Variants in GLIS3 observed in about 807,000 individuals in gnomAD.
The protein encoded by GLIS3 is zinc finger protein GLIS3.
Under a neutral mutation model 78.6 loss-of-function variants are expected in GLIS3, and 53 were observed. The observed-to-expected ratio is 0.67, with a 90% CI of 0.54 to 0.85. The LOEUF (loss-of-function observed/expected upper bound fraction) is 0.85. GLIS3 is among the 40% of genes least tolerant of loss of function. The pLI is 0.00. For missense variants in GLIS3, 1,703 were observed against 1,231.1 expected, an observed-to-expected ratio of 1.38 and a Z score of -5.74; for synonymous variants, 684 against 509.9, an observed-to-expected ratio of 1.34 and a Z score of -4.60.
the GLIS3 span, among the ~76,000 whole-genome samples, chr9:4,418,842 G>C: frequency 6.6e-6 from 1 of 152,202 alleles, no homozygotes; most frequent in Non-Finnish European, 1.5e-5. Flanking sequence ...GAAGAGAAAA[G>C]TATTGTATGT....
At chr9:4,403,563 A>AG in the GLIS3 span, among the ~76,000 whole-genome samples, 1 of 152,212 alleles carries the variant, frequency 6.6e-6, no homozygotes, top group Admixed American at 6.5e-5. Flanking sequence ...GTCAAAAAGC[A>AG]GGGGAACAAA....
At chr9:4,122,905 T>C (rs1358797094) in intron 3 of GLIS3, among the ~76,000 whole-genome samples, 2 of 152,228 alleles carry the variant, frequency 1.3e-5, no homozygotes, top group Non-Finnish European at 2.9e-5. Flanking sequence ...GAATGACTCC[T>C]GGATCTTCAA....
intron 9 of GLIS3, 197 bp downstream of exon 9, chr9:3,855,811 CA>C (rs1819743631): frequency 1.6e-6 from 1 of 636,834 alleles, no homozygotes; most frequent in Admixed American, 2.3e-5. Context: ...TGTCATAAAT[CA>C]TACCATCATC....
chr9:4,218,371 C>G (rs553469725), intron 2 of GLIS3, among the ~76,000 whole-genome samples: 1 of 152,122 alleles, frequency 6.6e-6, no homozygotes, highest in African/African-American at 2.4e-5. Context: ...CTCTGCCTCC[C>G]GGGTTCACGC....
At chr9:4,235,142 T>A (rs11794626) in intron 2 of GLIS3, among the ~76,000 whole-genome samples, 18,464 of 151,390 alleles carry the variant, frequency 0.12, 1,267 homozygotes, top group African/African-American at 0.19. Context: ...ACTAAAAATT[T>A]AAAAAAAATC....
At chr9:4,378,812 G>C in the GLIS3 span, among the ~76,000 whole-genome samples, 2 of 152,142 alleles carry the variant, frequency 1.3e-5, no homozygotes, top group African/African-American at 4.8e-5. Context: ...GAATGAGCTT[G>C]TATGGCAGAA....
intron 2 of GLIS3, among the ~76,000 whole-genome samples, chr9:4,226,732 C>T (rs188904854): frequency 6.6e-6 from 1 of 152,318 alleles, no homozygotes; most frequent in African/African-American, 2.4e-5. Flanking sequence ...TCTCCTGAAT[C>T]TTGGTTTCCT....
the GLIS3 span, among the ~76,000 whole-genome samples, chr9:4,354,052 G>A: frequency 6.7e-6 from 1 of 149,152 alleles, no homozygotes; most frequent in Non-Finnish European, 1.5e-5. Flanking sequence ...TAGCCAGGAT[G>A]GTCTCTATCT....
chr9:4,425,100 T>C, the GLIS3 span, among the ~76,000 whole-genome samples: 1 of 152,114 alleles, frequency 6.6e-6, no homozygotes, highest in South Asian at 2.1e-4. Context: ...GCCCCCGAAG[T>C]TTAGAAGAAA....
chr9:4,387,773 G>A, the GLIS3 span, among the ~76,000 whole-genome samples: 1 of 152,166 alleles, frequency 6.6e-6, no homozygotes, highest in African/African-American at 2.4e-5. Flanking sequence ...ATTGCCAGCA[G>A]CTGTACAGGT....
intron 2 of GLIS3, among the ~76,000 whole-genome samples, chr9:4,162,588 G>A (rs149431464): frequency 1.1e-4 from 16 of 152,178 alleles, no homozygotes; most frequent in East Asian, 9.7e-4. Context: ...GGCCGGGTGC[G>A]GTGGCTCACG....
chr9:4,208,571 G>A (rs1198786616), intron 2 of GLIS3, among the ~76,000 whole-genome samples: 6 of 152,216 alleles, frequency 3.9e-5, no homozygotes, highest in African/African-American at 1.2e-4. Context: ...CTGAAGGCCC[G>A]TTTGGGAGAG....
intron 2 of GLIS3, among the ~76,000 whole-genome samples, chr9:4,166,144 C>G (rs937021394): frequency 6.6e-6 from 1 of 152,206 alleles, no homozygotes; most frequent in Non-Finnish European, 1.5e-5. Context: ...TGGCACATCA[C>G]ATAATTGTTC....
At chr9:3,915,933 G>T (rs527692270) in intron 6 of GLIS3, among the ~76,000 whole-genome samples, 1 of 152,162 alleles carries the variant, frequency 6.6e-6, no homozygotes, top group Admixed American at 6.5e-5. Context: ...AAGAACTAGG[G>T]AAGACAAGTC....
intron 2 of GLIS3, among the ~76,000 whole-genome samples, chr9:4,150,250 C>A (rs147240647): frequency 6.6e-6 from 1 of 152,184 alleles, no homozygotes; most frequent in Non-Finnish European, 1.5e-5. Flanking sequence ...GCCTCAGTAG[C>A]CCAAACTTTG....
At chr9:3,975,019 C>T (rs1380270465) in intron 4 of GLIS3, 1 of 152,072 alleles carries the variant, frequency 6.6e-6, no homozygotes, top group Non-Finnish European at 1.5e-5. Flanking sequence ...GAGAAGCCTC[C>T]TAAATCAGGG....
At chr9:3,980,862 T>G (rs1321100157) in intron 4 of GLIS3, among the ~76,000 whole-genome samples, 1 of 152,194 alleles carries the variant, frequency 6.6e-6, no homozygotes, top group African/African-American at 2.4e-5. Flanking sequence ...TACTTCCAGC[T>G]GCCAGCAAGT....
intron 2 of GLIS3, among the ~76,000 whole-genome samples, chr9:4,246,540 T>G (rs927768297): frequency 6.6e-6 from 1 of 152,206 alleles, no homozygotes; most frequent in Non-Finnish European, 1.5e-5. Flanking sequence ...ATGTCTCCCT[T>G]AAAACATAAG....
At position 4,010,899 on chromosome 9, in the gene GLIS3, G is replaced by A. The variant is rs148828303; in HGVS notation, c.1711-73710C>T. Among the ~76,000 whole-genome samples, 491 of 152,330 alleles carry A rather than the reference G, an allele frequency of 3.2e-3. 2 individuals carry two copies. Among genetic ancestry groups the A allele is most frequent in the African/African-American group, 0.011 (470 of 41,566 alleles). On this transcript the variant is annotated intron_variant, in intron 4 of 10. Coordinates refer to ENST00000381971, the MANE Select transcript of GLIS3 (RefSeq NM_001042413.2). ...TACCGTTAGGAAAATGTTCCTGGGA[G>A]TAATCACGCACTGGTATGTATGTAG...
Sources: gnomAD v4.1 joint callset for allele counts (sites outside exome capture counted in the v4.1 genomes callset) on GRCh38, gnomAD v4.1.1 for gene constraint, MANE v1.5 for transcripts, NCBI Gene and HGNC (gene_info 2026-07-23, HGNC 2026-07-21) for gene names.